Variants in INPPL1 observed in about 807,000 individuals in gnomAD.
The protein encoded by INPPL1 is inositol polyphosphate phosphatase like 1.
INPPL1 carries 91 observed loss-of-function variants against 139.3 expected under a neutral mutation model. The observed-to-expected ratio is 0.65, with a 90% CI of 0.55 to 0.78. The LOEUF (loss-of-function observed/expected upper bound fraction) is 0.78. Among genes scored for constraint, INPPL1 ranks in the 30% least tolerant of loss-of-function variants. INPPL1 has a pLI of 0.00. For missense variants in INPPL1, 1,411 were observed against 1,665.6 expected (o/e 0.85, Z 2.66); for synonymous variants, 719 against 686.6 (o/e 1.05, Z -0.74).
In INPPL1 at chr11:72,224,945, G is replaced by A. The variant is rs2135413538; in HGVS notation, c.-40G>A. 15 of 1,055,950 alleles carry A rather than the reference G, an allele frequency of 1.4e-5. No homozygotes were observed. The highest frequency in any genetic ancestry group is 1.5e-5 in the Non-Finnish European group (13 of 876,748). The allele number at this position is 1,055,950 out of a possible 1,614,324, so 65.4% of individuals were successfully genotyped here. ...CTGAGCGTCTCGGGGCGGATGGCGC[G>A]GGGCGGCGGGGGCGGGCGGTGCTGA... is the stretch of plus-strand genomic sequence containing the variant. On this transcript the variant is annotated 5_prime_UTR_variant, in exon 1 of 28. Coordinates refer to ENST00000298229, the MANE Select transcript of INPPL1 (RefSeq NM_001567.4).
Position 72,237,480 on chromosome 11 carries a change from G to T in INPPL1, c.3236G>T (p.Gly1079Val). 1.9e-6 allele frequency: 3 copies of T among 1,610,132 alleles called. No individual in the cohort carries two copies. The highest frequency in any genetic ancestry group is 2.5e-6 in the Non-Finnish European group (3 of 1,177,722). Residue 1079 changes from glycine (G) to valine (V), a missense_variant, in exon 26 of 28, where the codon GGC (glycine) becomes GTC (valine). Gly to Val is a moderately radical substitution (Grantham distance 109). This residue lies in a region of INPPL1 where 438 missense variants were observed against 425.7 expected (regional missense o/e 1.03). Coordinates refer to ENST00000298229, the MANE Select transcript of INPPL1 (RefSeq NM_001567.4). ...CCTTTACCAGGGCCAGTGGTCCGGG[G>T]CCGTGGTGGGGCTGAGGCCCGTGGC... Reference protein sequence around the residue: ...LDPLPGPVVRGRGGAEARGPP... With the variant: ...LDPLPGPVVRVRGGAEARGPP...
In INPPL1 at chr11:72,228,655, C is replaced by T. The variant is rs1231442685; in HGVS notation, c.398-72C>T. 3 of 1,568,340 alleles carry T rather than the reference C, an allele frequency of 1.9e-6. No homozygotes were observed. The highest frequency in any genetic ancestry group is 1.4e-5 in the African/African-American group (1 of 73,898). On this transcript the variant is annotated intron_variant, in intron 3 of 27. Coordinates refer to ENST00000298229, the MANE Select transcript of INPPL1 (RefSeq NM_001567.4). This position sits in a 1 kb window ranked among gnomAD's most constrained non-coding sequence, Gnocchi z 5.0. ...CCCTCTTTCCATGGAAGTCACTTTA[C>T]AGCTGCATCGTGCCTCCTACTCCAC...
In INPPL1 at chr11:72,235,953, G is replaced by A. The variant is rs376511255; in HGVS notation, c.2846G>A (p.Arg949Gln). Reference sequence around the variant, plus strand: ...ACGGGGAGGCCCCCAGCCCCACCCCGAGCAGCTCCCCGGGAGGAGCCCTTG... The same window carrying A: ...ACGGGGAGGCCCCCAGCCCCACCCCAAGCAGCTCCCCGGGAGGAGCCCTTG... ...PPTGRPPAPP[R>Q]AAPREEPLTP... Residue 949 changes from arginine to glutamine, a missense_variant, in exon 25 of 28, where the codon CGA (arginine) becomes CAA (glutamine). Around this residue, in one of 5 missense-constraint regions of INPPL1, gnomAD observed 438 missense variants for 425.7 expected, o/e 1.03. Transcript: ENST00000298229. The surrounding 1 kb of genome is among the most constrained non-coding windows in gnomAD (Gnocchi z 4.9). The A allele has an allele frequency of 2.9e-5, 47 of 1,602,966 alleles. No individual in the cohort carries two copies. Among genetic ancestry groups the A allele is most frequent in the Non-Finnish European group, 3.5e-5 (41 of 1,176,054 alleles).
Position 72,237,725 on chromosome 11 carries a change from G to T in INPPL1, c.3481G>T (p.Asp1161Tyr). 1 of 1,611,788 alleles carries T rather than the reference G, an allele frequency of 6.2e-7. No homozygotes were observed. Among genetic ancestry groups the T allele is most frequent in the South Asian group, 1.1e-5 (1 of 90,810 alleles). ...GCAGCCCCCCCGGGGACTGCCCTCG[G>T]ACTATGGCCGGCCCCTCAGCTTCCC... Reference protein sequence around the residue: ...ELQPPRGLPSDYGRPLSFPPP... With the variant: ...ELQPPRGLPSYYGRPLSFPPP... The change falls in exon 26 of 28, where the codon GAC becomes TAC. Residue 1161 changes from aspartate to tyrosine, a missense_variant. By Grantham distance (160) the Asp-to-Tyr change is radical. Coordinates refer to ENST00000298229, the MANE Select transcript of INPPL1 (RefSeq NM_001567.4).
At chr11:72,233,787 T>G in intron 19 of INPPL1, 43 bp downstream of exon 19, 1 of 1,531,430 alleles carries the variant, frequency 6.5e-7, no homozygotes, top group Non-Finnish European at 9.1e-7. Context: ...ATAATCTAGG[T>G]GGGCACAGGT....
upstream of INPPL1, among the ~76,000 whole-genome samples, chr11:72,224,417 A>G (rs962669162): frequency 6.6e-6 from 1 of 151,628 alleles, no homozygotes; most frequent in Non-Finnish European, 1.5e-5. Context: ...AGGAAGAGCC[A>G]TGGAGTGGAA....
In INPPL1 at chr11:72,238,047, G is replaced by A. The variant is rs767508503; in HGVS notation, c.3558G>A (p.Pro1186=). The A allele has an allele frequency of 1.6e-5, 25 of 1,547,812 alleles. No individual in the cohort carries two copies. The highest frequency in any genetic ancestry group is 2.0e-4 in the Middle Eastern group (1 of 4,974). ...GACATGCCCTGTTTCCTTAGGCTCC[G>A]TGCCTGCAGGGCGGGCGGGCCAGCG... is the stretch of plus-strand genomic sequence containing the variant. ...SIQEDLAEEA[P]CLQGGRASGL... Residue 1186 remains proline (P), a synonymous_variant, in exon 27 of 28, where the codon CCG becomes CCA. Transcript: ENST00000298229.
intron 1 of INPPL1, among the ~76,000 whole-genome samples, chr11:72,225,754 T>A (rs1440165369): frequency 6.6e-6 from 1 of 152,274 alleles, no homozygotes; most frequent in East Asian, 1.9e-4. Flanking sequence ...TGAGTGAGTG[T>A]TTGAGCCCTG....
At position 72,237,717 on chromosome 11, in the gene INPPL1, T is replaced by G. The variant is rs1949033045; in HGVS notation, c.3473T>G (p.Leu1158Arg). 1 of 1,611,666 alleles carries G rather than the reference T, an allele frequency of 6.2e-7. No individual in the cohort carries two copies. Among genetic ancestry groups the G allele is most frequent in the Admixed American group, 1.7e-5 (1 of 59,804 alleles). The change falls in exon 26 of 28, where the codon CTG (leucine) becomes CGG (arginine). Residue 1158 changes from leucine to arginine, a missense_variant. Coordinates refer to ENST00000298229, the MANE Select transcript of INPPL1 (RefSeq NM_001567.4). ...GPLELQPPRG[L>R]PSDYGRPLSF... ...CTGGAGCTGCAGCCCCCCCGGGGACTGCCCTCGGACTATGGCCGGCCCCTC... is the reference window on the plus strand; with the variant it reads ...CTGGAGCTGCAGCCCCCCCGGGGACGGCCCTCGGACTATGGCCGGCCCCTC...
rs1473430517 is a variant in INPPL1 at position 72,237,131 on chromosome 11, C to T, written c.2887C>T (p.Pro963Ser). ...TTCTGCTTCCACACCCAGGTTGAAGCCAGAGGGAGCTCCTGAACCAGAAGG... is the reference window on the plus strand; with the variant it reads ...TTCTGCTTCCACACCCAGGTTGAAGTCAGAGGGAGCTCCTGAACCAGAAGG... The part of the protein sequence containing the change: ...REEPLTPRLK[P>S]EGAPEPEGVA... The change falls in exon 26 of 28, where the codon CCA becomes TCA. Residue 963 changes from proline to serine, a missense_variant. Pro to Ser is a moderately conservative substitution (Grantham distance 74). Transcript: ENST00000298229. The T allele has an allele frequency of 1.9e-6, 3 of 1,583,782 alleles. No individual in the cohort carries two copies. The highest frequency in any genetic ancestry group is 2.7e-5 in the African/African-American group (2 of 74,292).
In INPPL1 at chr11:72,235,296, G is replaced by C. The variant is rs1338517850; in HGVS notation, c.2504G>C (p.Gly835Ala). 5.6e-6 allele frequency: 9 copies of C among 1,614,044 alleles called. No homozygotes were observed. Among genetic ancestry groups the C allele is most frequent in the Non-Finnish European group, 7.6e-6 (9 of 1,179,976 alleles). ...VKSMDGYESY[G>A]ECVVALKSMI... Reference sequence around the variant, plus strand: ...CTGGTTTGTCCCATCTGCTCCTCAGGGGAGTGTGTGGTTGCACTCAAATCC... The same window carrying C: ...CTGGTTTGTCCCATCTGCTCCTCAGCGGAGTGTGTGGTTGCACTCAAATCC... Residue 835 changes from glycine to alanine, a missense_variant and splice_region_variant, in exon 23 of 28, where the codon GGG (glycine) becomes GCG (alanine). Gly to Ala is a moderately conservative substitution (Grantham distance 60, BLOSUM62 0). Coordinates refer to ENST00000298229, the MANE Select transcript of INPPL1 (RefSeq NM_001567.4). This position sits in a 1 kb window ranked among gnomAD's most constrained non-coding sequence, Gnocchi z 4.9.
At chr11:72,237,869 C>A in intron 26 of INPPL1, 73 bp downstream of exon 26, 1 of 1,498,322 alleles carries the variant, frequency 6.7e-7, no homozygotes. Context: ...TTTCACTCCA[C>A]CATTCAGCAC....
rs139798970 is a variant in INPPL1, at chr11:72,233,692, C to G, written c.2160C>G (p.Pro720=). The G allele has an allele frequency of 1.9e-6, 3 of 1,614,054 alleles. No homozygotes were observed. In the East Asian group the frequency reaches 6.7e-5, roughly 36 times the overall value. The change falls in exon 19 of 28, where the codon CCC becomes CCG. Residue 720 remains proline, a synonymous_variant. Transcript: ENST00000298229. ...ACATCGTCACCAGCGACCATTCCCC[C>G]GTGTTTGGGACATTTGAGGTTGGAG... is the stretch of plus-strand genomic sequence containing the variant. ...TDDIVTSDHS[P]VFGTFEVGVT...
intron 1 of INPPL1, 74 bp downstream of exon 1, chr11:72,225,240 C>T (rs1467109199): frequency 1.6e-6 from 2 of 1,224,124 alleles, no homozygotes; most frequent in East Asian, 3.2e-5. Context: ...GGAAAGGGCC[C>T]GGGTGAGGGT....
intron 7 of INPPL1, 40 bp downstream of exon 7, chr11:72,229,792 C>T (rs951723805): frequency 1.3e-6 from 2 of 1,586,610 alleles, no homozygotes; most frequent in South Asian, 1.1e-5. Flanking sequence ...ATTCACTGGC[C>T]ACTGTCATTG....
intron 10 of INPPL1, 83 bp downstream of exon 10, chr11:72,230,551 A>C: frequency 7.6e-7 from 1 of 1,320,798 alleles, no homozygotes; most frequent in Non-Finnish European, 1.1e-6. Flanking sequence ...AAGAAAGGGA[A>C]CACATGATGT....
chr11:72,230,550 A>G, intron 10 of INPPL1, 82 bp downstream of exon 10: 1 of 1,331,556 alleles, frequency 7.5e-7, no homozygotes, highest in South Asian at 1.2e-5. Context: ...TAAGAAAGGG[A>G]ACACATGATG....
upstream of INPPL1, among the ~76,000 whole-genome samples, chr11:72,224,150 G>A (rs79054886): frequency 0.057 from 8,703 of 152,054 alleles, 360 homozygotes; most frequent in African/African-American, 0.12. Context: ...TGAGAGGCTC[G>A]AGAACGTCGC....
Position 72,228,202 on chromosome 11 carries a change from T to C in INPPL1, c.195T>C (p.His65=), listed in dbSNP as rs954056388. ...AFALCVLYQK[H]VHTYRILPDG... ...GCCTTGGCATCAGGTATCAGAAGCA[T>C]GTGCACACGTATCGCATTCTGCCTG... The change falls in exon 2 of 28, where the codon CAT becomes CAC. Residue 65 remains histidine (H), a synonymous_variant. Coordinates refer to ENST00000298229, the MANE Select transcript of INPPL1 (RefSeq NM_001567.4). The surrounding 1 kb of genome is among the most constrained non-coding windows in gnomAD (Gnocchi z 5.0). 2.5e-6 allele frequency: 4 copies of C among 1,614,112 alleles called. No homozygotes were observed. Among genetic ancestry groups the C allele is most frequent in the Middle Eastern group, 1.7e-4 (1 of 6,060 alleles).
Sources: gnomAD v4.1 joint callset for allele counts (sites outside exome capture counted in the v4.1 genomes callset) on GRCh38, gnomAD v4.1.1 for gene constraint, gnomAD v4.1.1 regional missense constraint, Gnocchi (gnomAD v3.1) non-coding constraint, MANE v1.5 for transcripts, NCBI Gene and HGNC (gene_info 2026-07-23, HGNC 2026-07-21) for gene names.